RALGPS1: variants seen among roughly 807,000 people sequenced by gnomAD.
The protein encoded by RALGPS1 is Ral GEF with PH domain and SH3 binding motif 1.
A neutral mutation model predicts 78.8 loss-of-function variants in RALGPS1; 19 were observed. The ratio of observed to expected loss-of-function variants is 0.24; its 90% CI spans 0.17 to 0.35. The LOEUF (loss-of-function observed/expected upper bound fraction) is 0.35, where lower values mean the gene tolerates loss of function less well. Among genes scored for constraint, RALGPS1 ranks in the 10% least tolerant of loss-of-function variants. RALGPS1 has a pLI of 1.00. For missense variants in RALGPS1, 454 were observed against 688.3 expected (o/e 0.66, Z 3.81); for synonymous variants, 228 against 256.3 (o/e 0.89, Z 1.06).
chr9:127,040,547 G>A (rs2047202436), intron 5 of RALGPS1, among the ~76,000 whole-genome samples: 3 of 152,166 alleles, frequency 2.0e-5, no homozygotes, highest in Non-Finnish European at 2.9e-5. Context: ...AGAGAGTAAG[G>A]ACTAGAATGT....
chr9:127,103,209 C>T (rs905505261), intron 8 of RALGPS1, among the ~76,000 whole-genome samples: 4 of 152,240 alleles, frequency 2.6e-5, no homozygotes, highest in Non-Finnish European at 4.4e-5. Context: ...CAATCGTGTA[C>T]GTATTTCCTA....
intron 4 of RALGPS1, among the ~76,000 whole-genome samples, chr9:127,027,753 G>T (rs2046080944): frequency 6.6e-6 from 1 of 152,230 alleles, no homozygotes. Flanking sequence ...TGTAGTCTCA[G>T]ATTGTTGTGA....
At chr9:126,933,249 AAG>A (rs2035963523) in intron 1 of RALGPS1, among the ~76,000 whole-genome samples, 1 of 152,272 alleles carries the variant, frequency 6.6e-6, no homozygotes, top group South Asian at 2.1e-4. Flanking sequence ...TGACTCCAGA[AAG>A]AGGGGCTGGT....
rs765703965 is a variant in RALGPS1, at chr9:127,209,759, C to T, written c.1248-2372C>T. On this transcript the variant is annotated intron_variant, in intron 14 of 18. Coordinates refer to ENST00000259351, the MANE Select transcript of RALGPS1 (RefSeq NM_014636.3). ...GAGGACAAAGGCCCCTGGGCAGGTA[C>T]GATGTACCTGCTGCAATGTGTGAGG... Among the ~76,000 whole-genome samples, 14 of 152,086 alleles carry T rather than the reference C, an allele frequency of 9.2e-5. 1 individual carries two copies. The highest frequency in any genetic ancestry group is 2.0e-4 in the Admixed American group (3 of 15,278).
Position 127,195,079 on chromosome 9 carries a change from C to T in RALGPS1, c.911-12C>T. On this transcript the variant is annotated splice_polypyrimidine_tract_variant and intron_variant, in intron 11 of 18. Transcript: ENST00000259351. ...ATAACCCCCGTTGTTGCTCTCTCTGCTCTGTTTGCAGGTCCCTCTGCTGGC... is the reference window on the plus strand; with the variant it reads ...ATAACCCCCGTTGTTGCTCTCTCTGTTCTGTTTGCAGGTCCCTCTGCTGGC... 1 of 1,613,094 alleles carries T rather than the reference C, an allele frequency of 6.2e-7. No homozygotes were observed. Among genetic ancestry groups the T allele is most frequent in the Non-Finnish European group, 8.5e-7 (1 of 1,179,772 alleles).
At chr9:127,093,979 A>G in intron 8 of RALGPS1, 1 of 1,573,340 alleles carries the variant, frequency 6.4e-7, no homozygotes, top group South Asian at 1.1e-5. Flanking sequence ...ACCAGGCCGC[A>G]CCCCCAGCTG....
chr9:126,940,756 A>G (rs1564282619), intron 1 of RALGPS1, among the ~76,000 whole-genome samples: 1 of 152,100 alleles, frequency 6.6e-6, no homozygotes, highest in African/African-American at 2.4e-5. Context: ...GCATGGTTGT[A>G]TGAAATTGAG....
chr9:127,032,070 G>T (rs1397923858), intron 4 of RALGPS1, among the ~76,000 whole-genome samples: 6 of 152,222 alleles, frequency 3.9e-5, no homozygotes, highest in Non-Finnish European at 4.4e-5. Context: ...ACAGCAGCGT[G>T]CCCCTGGGAA....
At chr9:126,927,787 A>G (rs546504157) in intron 1 of RALGPS1, among the ~76,000 whole-genome samples, 18 of 152,216 alleles carry the variant, frequency 1.2e-4, no homozygotes, top group Middle Eastern at 3.4e-3. Context: ...TGGATCTGCA[A>G]CCTCAGGGAT....
rs185177661 is a variant in RALGPS1 at position 126,965,160 on chromosome 9, A to G, written c.58-684A>G. ...TCTTTCATATACATGCAGGATGCAGAGCGTCCTTAGCACAAAGGACTCTAC... is the reference window on the plus strand; with the variant it reads ...TCTTTCATATACATGCAGGATGCAGGGCGTCCTTAGCACAAAGGACTCTAC... On this transcript the variant is annotated intron_variant, in intron 2 of 18. Coordinates refer to ENST00000259351, the MANE Select transcript of RALGPS1 (RefSeq NM_014636.3). 3.7e-4 allele frequency among the ~76,000 whole-genome samples: 56 copies of G among 152,372 alleles called. 1 individual carries two copies. In the East Asian group the frequency reaches 0.01, roughly 28 times the overall value.
At chr9:126,998,296 T>A (rs562517714) in intron 4 of RALGPS1, among the ~76,000 whole-genome samples, 108 of 152,180 alleles carry the variant, frequency 7.1e-4, no homozygotes, top group Non-Finnish European at 1.4e-3. Context: ...ATACCTAGAA[T>A]CTACAATGGA....
In RALGPS1 at chr9:127,183,961, C is replaced by T; in HGVS notation, c.910+9179C>T. On this transcript the variant is annotated intron_variant, in intron 11 of 18. Transcript: ENST00000259351. This position sits in a 1 kb window ranked among gnomAD's most constrained non-coding sequence, Gnocchi z 4.0. ...AACACCCTGCCTGGATGTGGCCCAG[C>T]TCCTCACGAGTACCAGCGGCTCCCC... 6.4e-7 allele frequency: 1 copy of T among 1,550,470 alleles called. No individual in the cohort carries two copies. The highest frequency in any genetic ancestry group is 1.2e-5 in the South Asian group (1 of 84,044).
chr9:126,992,980 A>T (rs2042409462), intron 4 of RALGPS1, among the ~76,000 whole-genome samples: 1 of 152,244 alleles, frequency 6.6e-6, no homozygotes, highest in South Asian at 2.1e-4. Context: ...TTACTCATTA[A>T]GGATGATGTT....
chr9:127,193,074 AAG>A (rs1173791256), intron 11 of RALGPS1, among the ~76,000 whole-genome samples: 2 of 152,236 alleles, frequency 1.3e-5, no homozygotes, highest in African/African-American at 4.8e-5. Context: ...CTTACAGGGA[AAG>A]AGAGACTAGA....
chr9:127,197,450 G>C lies in RALGPS1; in HGVS notation c.1195+819G>C, dbSNP rs933026118. On this transcript the variant is annotated intron_variant, in intron 13 of 18. Transcript: ENST00000259351. Reference sequence around the variant, plus strand: ...ATGGCTGGTGGTTAGACCAGTTGCCGAGCTGGGAGTTGATCTTGTGAGGAC... The same window carrying C: ...ATGGCTGGTGGTTAGACCAGTTGCCCAGCTGGGAGTTGATCTTGTGAGGAC... Among the ~76,000 whole-genome samples the C allele has an allele frequency of 2.0e-5, 3 of 147,594 alleles. No individual in the cohort carries two copies. In the East Asian group the frequency reaches 6.2e-4, roughly 30 times the overall value.
At chr9:127,051,350 A>C (rs527513915) in intron 6 of RALGPS1, among the ~76,000 whole-genome samples, 1 of 152,320 alleles carries the variant, frequency 6.6e-6, no homozygotes, top group Non-Finnish European at 1.5e-5. Context: ...TCTGTGTGGC[A>C]GACTGTCATG....
chr9:127,212,158 G>A lies in RALGPS1; in HGVS notation c.1275G>A (p.Leu425=). The A allele has an allele frequency of 1.9e-6, 3 of 1,613,718 alleles. No homozygotes were observed. The highest frequency in any genetic ancestry group is 1.7e-6 in the Non-Finnish European group (2 of 1,179,860). ...ESPTGPCICS[L]GNSAAVPTME... ...CCACCGGCCCGTGCATCTGTTCTCT[G>A]GGGAACTCCGCAGCTGTGCCCACCA... Residue 425 remains leucine (L), a synonymous_variant, in exon 15 of 19, where the codon CTG becomes CTA. Transcript: ENST00000259351. The surrounding 1 kb of genome is among the most constrained non-coding windows in gnomAD (Gnocchi z 6.0).
chr9:126,921,179 G>A (rs1280986109), intron 1 of RALGPS1, among the ~76,000 whole-genome samples: 2 of 152,164 alleles, frequency 1.3e-5, no homozygotes, highest in African/African-American at 2.4e-5. Context: ...TGATAGTGTC[G>A]TGGTCATGAT....
intron 11 of RALGPS1, among the ~76,000 whole-genome samples, chr9:127,180,250 C>A (rs745590131): frequency 2.6e-5 from 4 of 152,242 alleles, no homozygotes; most frequent in Non-Finnish European, 4.4e-5. Context: ...TTAGCCCCGC[C>A]TCCACGTGGC....
Sources: gnomAD v4.1 joint callset for allele counts (sites outside exome capture counted in the v4.1 genomes callset) on GRCh38, gnomAD v4.1.1 for gene constraint, Gnocchi (gnomAD v3.1) non-coding constraint, MANE v1.5 for transcripts, NCBI Gene and HGNC (gene_info 2026-07-23, HGNC 2026-07-21) for gene names.